The following XPNPEP3 variants were observed in gnomAD, a reference collection of about 807,000 sequenced individuals.
The protein encoded by XPNPEP3 is xaa-Pro aminopeptidase 3.
A neutral mutation model predicts 60.0 loss-of-function variants in XPNPEP3; 41 were observed. That is an observed-to-expected ratio of 0.68 (90% CI 0.53 to 0.89). The LOEUF is 0.89. XPNPEP3 is among the 40% of genes least tolerant of loss of function. XPNPEP3 has a pLI of 0.00. For missense variants in XPNPEP3, 598 were observed against 638.9 expected (o/e 0.94, Z 0.69); for synonymous variants, 212 against 223.2 (o/e 0.95, Z 0.45).
intron 6 of XPNPEP3, among the ~76,000 whole-genome samples, chr22:40,911,542 CTT>C (rs761099280): frequency 4.4e-5 from 6 of 137,548 alleles, no homozygotes; most frequent in Admixed American, 7.4e-5. Flanking sequence ...TTTCTTCTTG[CTT>C]TTTTTTTTTT....
At chr22:40,880,102 A>T (rs1169192286) in intron 2 of XPNPEP3, among the ~76,000 whole-genome samples, 1 of 151,848 alleles carries the variant, frequency 6.6e-6, no homozygotes, top group South Asian at 2.1e-4. Context: ...AAATTCAAAG[A>T]TCTTTGACCA....
chr22:40,923,077 G>T (rs1196729337), intron 8 of XPNPEP3, among the ~76,000 whole-genome samples: 1 of 152,064 alleles, frequency 6.6e-6, no homozygotes, highest in African/African-American at 2.4e-5. Flanking sequence ...GCCAGGTGTG[G>T]TGGCACACAC....
chr22:40,885,535 AC>A (rs1394884787), intron 3 of XPNPEP3, among the ~76,000 whole-genome samples: 1 of 152,176 alleles, frequency 6.6e-6, no homozygotes, highest in Non-Finnish European at 1.5e-5. Flanking sequence ...TGGGAGGAGA[AC>A]CCTTTCCTCT....
intron 4 of XPNPEP3, among the ~76,000 whole-genome samples, chr22:40,899,098 A>G (rs970460011): frequency 6.6e-6 from 1 of 152,212 alleles, no homozygotes; most frequent in South Asian, 2.1e-4. Flanking sequence ...TATTGCATGT[A>G]ATAGTCTAGA....
At chr22:40,889,308 A>G (rs1332394294) in intron 4 of XPNPEP3, among the ~76,000 whole-genome samples, 1 of 152,154 alleles carries the variant, frequency 6.6e-6, no homozygotes, top group African/African-American at 2.4e-5. Flanking sequence ...CACAGGCATG[A>G]GCCAACATGT....
In XPNPEP3 at chr22:40,881,936, C is replaced by T. The variant is rs770945696; in HGVS notation, c.348C>T (p.His116=). ...GCAACGATATTCCCTATACTTTCCACCAAGACAACAATTTCCTGTACCTAT... is the reference window on the plus strand; with the variant it reads ...GCAACGATATTCCCTATACTTTCCATCAAGACAACAATTTCCTGTACCTAT... ...YMSNDIPYTF[H]QDNNFLYLCG... The change falls in exon 3 of 10, where the codon CAC becomes CAT. Residue 116 remains histidine (H), a synonymous_variant. Transcript: ENST00000357137. 3 of 1,614,172 alleles carry T rather than the reference C, an allele frequency of 1.9e-6. No individual in the cohort carries two copies. The South Asian group carries it at 3.3e-5, about 18-fold the overall frequency.
At chr22:40,867,614 T>A (rs1483725297) in intron 1 of XPNPEP3, among the ~76,000 whole-genome samples, 1 of 151,802 alleles carries the variant, frequency 6.6e-6, no homozygotes, top group Non-Finnish European at 1.5e-5. Flanking sequence ...ATAAAAAAAA[T>A]TAACCAGTCT....
intron 7 of XPNPEP3, 31 bp downstream of exon 7, chr22:40,914,355 T>G: frequency 1.9e-6 from 3 of 1,564,316 alleles, no homozygotes; most frequent in Non-Finnish European, 1.8e-6. Flanking sequence ...CGTATCCCAC[T>G]GCTTCTTAGG....
intron 1 of XPNPEP3, 46 bp downstream of exon 1, chr22:40,857,291 G>A (rs1206403104): frequency 6.2e-7 from 1 of 1,609,572 alleles, no homozygotes; most frequent in South Asian, 1.1e-5. Flanking sequence ...TCCCCTGGAG[G>A]GACCCAAGTT....
intron 7 of XPNPEP3, among the ~76,000 whole-genome samples, chr22:40,919,541 T>C (rs2058208779): frequency 6.6e-6 from 1 of 152,200 alleles, no homozygotes; most frequent in East Asian, 1.9e-4. Context: ...ATATTTTGTT[T>C]TTTTGTAGAG....
At chr22:40,892,352 C>G (rs1171074555) in intron 4 of XPNPEP3, among the ~76,000 whole-genome samples, 1 of 151,874 alleles carries the variant, frequency 6.6e-6, no homozygotes, top group Admixed American at 6.6e-5. Context: ...GCCCAGCTAA[C>G]GTTTTTGTAT....
At chr22:40,861,204 T>A in intron 1 of XPNPEP3, 1 of 1,614,156 alleles carries the variant, frequency 6.2e-7, no homozygotes, top group Non-Finnish European at 8.5e-7. Context: ...CTCATCATTG[T>A]CCACGAAAGT....
chr22:40,897,936 AT>A (rs920736444), intron 4 of XPNPEP3, among the ~76,000 whole-genome samples: 11 of 151,922 alleles, frequency 7.2e-5, no homozygotes, highest in African/African-American at 2.2e-4. Context: ...ATTGGGCTGG[AT>A]TTTTTTGTTG....
intron 2 of XPNPEP3, among the ~76,000 whole-genome samples, chr22:40,874,328 C>A (rs1488483422): frequency 6.6e-6 from 1 of 152,142 alleles, no homozygotes; most frequent in Non-Finnish European, 1.5e-5. Flanking sequence ...CCTGCCTAGA[C>A]TGTTGGGTAA....
At chr22:40,913,512 C>T (rs764539325) in intron 6 of XPNPEP3, among the ~76,000 whole-genome samples, 61 of 151,208 alleles carry the variant, frequency 4.0e-4, no homozygotes, top group Middle Eastern at 7.0e-3. Context: ...GAATAAGGCC[C>T]GGCATACCAC....
At chr22:40,872,408 T>C (rs2145777422) in intron 2 of XPNPEP3, among the ~76,000 whole-genome samples, 1 of 152,172 alleles carries the variant, frequency 6.6e-6, no homozygotes, top group African/African-American at 2.4e-5. Flanking sequence ...GACATGAAAA[T>C]GATTCCATGT....
intron 2 of XPNPEP3, among the ~76,000 whole-genome samples, chr22:40,869,757 A>T (rs370977683): frequency 6.6e-6 from 1 of 152,196 alleles, no homozygotes; most frequent in Non-Finnish European, 1.5e-5. Flanking sequence ...TTAGACCTAA[A>T]GGTTTTTTGT....
Position 40,886,484 on chromosome 22 carries a change from G to A in XPNPEP3, c.761G>A (p.Arg254Gln), listed in dbSNP as rs373246644. 21 of 1,613,906 alleles carry A rather than the reference G, an allele frequency of 1.3e-5. No individual in the cohort carries two copies. The highest frequency in any genetic ancestry group is 3.3e-5 in the Admixed American group (2 of 59,972). ...ATCAAGTCTCCTGCAGAAATTGAAC[G>A]AATGCAGATTGCTGGGAAGCTGACA... ...RLIKSPAEIE[R>Q]MQIAGKLTSQ... The change falls in exon 4 of 10, where the codon CGA becomes CAA. Residue 254 changes from arginine (R) to glutamine (Q), a missense_variant. Physicochemically the swap from Arg to Gln is conservative, Grantham distance 43 (BLOSUM62 1). Coordinates refer to ENST00000357137, the MANE Select transcript of XPNPEP3 (RefSeq NM_022098.4).
chr22:40,898,225 A>ATTTTTTTTTTTT (rs71200626), intron 4 of XPNPEP3, among the ~76,000 whole-genome samples: 2 of 28,780 alleles, frequency 6.9e-5, no homozygotes, highest in African/African-American at 1.6e-4. Flanking sequence ...TCTTTGACCC[A>ATTTTTTTTTTTT]TTTTTTTTTT....
Sources: allele counts gnomAD v4.1 joint callset (sites outside exome capture counted in the v4.1 genomes callset), GRCh38; gene constraint gnomAD v4.1.1; transcripts MANE v1.5; gene names NCBI Gene and HGNC (gene_info 2026-07-23, HGNC 2026-07-21).